The following LRRTM4 variants were observed in gnomAD, a reference collection of about 807,000 sequenced individuals.
LRRTM4 encodes leucine rich repeat transmembrane neuronal 4, also known as leucine-rich repeat transmembrane neuronal protein 4.
Under a neutral mutation model 47.6 loss-of-function variants are expected in LRRTM4, and 25 were observed. That is an observed-to-expected ratio of 0.53 (90% CI 0.38 to 0.73). LRRTM4 has a LOEUF of 0.73. LRRTM4 is among the 30% of genes least tolerant of loss of function. The probability of loss-of-function intolerance (pLI) is 0.00; values close to 1 mark genes in which losing one functional copy is unlikely to be tolerated. For missense variants in LRRTM4, 638 were observed against 713.4 expected (o/e 0.89, Z 1.20); for synonymous variants, 311 against 269.5 (o/e 1.15, Z -1.51).
chr2:77,374,763 T>A (rs1672770431), intron 3 of LRRTM4, among the ~76,000 whole-genome samples: 1 of 151,820 alleles, frequency 6.6e-6, no homozygotes, highest in South Asian at 2.1e-4. Context: ...AAATGCAGTA[T>A]CAAATATTCT....
chr2:76,873,506 G>GTGTGTATATATATATATATATA (rs367573475), intron 3 of LRRTM4, among the ~76,000 whole-genome samples: 32 of 112,312 alleles, frequency 2.8e-4, no homozygotes, highest in East Asian at 1.3e-3. Context: ...ATATATGTGT[G>GTGTGTATATATATATATATATA]TATATATATA....
chr2:77,213,317 A>G (rs1558636271), intron 3 of LRRTM4, among the ~76,000 whole-genome samples: 4 of 152,136 alleles, frequency 2.6e-5, no homozygotes, highest in Admixed American at 2.0e-4. Context: ...CCCTGGAGTT[A>G]GATAAACTGG....
chr2:76,805,422 G>A (rs1162171153), intron 3 of LRRTM4, among the ~76,000 whole-genome samples: 1 of 151,990 alleles, frequency 6.6e-6, no homozygotes, highest in Admixed American at 6.6e-5. Flanking sequence ...TGACAAAAGA[G>A]GTTCTGAAAT....
chr2:77,395,294 TTCAG>T (rs1198398663), intron 3 of LRRTM4, among the ~76,000 whole-genome samples: 2 of 151,970 alleles, frequency 1.3e-5, no homozygotes, highest in East Asian at 3.9e-4. Context: ...AGGGAGTCTG[TTCAG>T]TCAGTTGAAA....
chr2:76,827,108 T>A (rs1671211098), intron 3 of LRRTM4, among the ~76,000 whole-genome samples: 1 of 151,832 alleles, frequency 6.6e-6, no homozygotes, highest in Non-Finnish European at 1.5e-5. Flanking sequence ...GTTTCTGATT[T>A]TGACTTGGCT....
At chr2:77,301,515 A>G (rs1677132843) in intron 3 of LRRTM4, among the ~76,000 whole-genome samples, 1 of 152,206 alleles carries the variant, frequency 6.6e-6, no homozygotes. Context: ...ACTAACAAAA[A>G]GTAATACTGC....
rs193222052 is a variant in LRRTM4, at chr2:77,247,149, T to A, written c.1551+271169A>T. The stretch of plus-strand genomic sequence containing the variant: ...CACATAACATTTTGTTTAACAGAAG[T>A]GCAGAAGTGTGTTATAGGTTGTTTT... On this transcript the variant is annotated intron_variant, in intron 3 of 3. Transcript: ENST00000409884. Among the ~76,000 whole-genome samples the A allele has an allele frequency of 1.8e-3, 269 of 152,198 alleles. 1 individual carries two copies. Among genetic ancestry groups the A allele is most frequent in the African/African-American group, 5.1e-3 (214 of 41,566 alleles).
At chr2:77,293,084 T>G (rs1375288229) in intron 3 of LRRTM4, among the ~76,000 whole-genome samples, 1 of 152,028 alleles carries the variant, frequency 6.6e-6, no homozygotes, top group African/African-American at 2.4e-5. Context: ...GCTTCCCTTG[T>G]CAAATTCTCT....
At chr2:77,075,161 G>C (rs1234461149) in intron 3 of LRRTM4, among the ~76,000 whole-genome samples, 1 of 152,098 alleles carries the variant, frequency 6.6e-6, no homozygotes, top group Non-Finnish European at 1.5e-5. Context: ...TGGTAACTTT[G>C]AAGATGAAAC....
intron 3 of LRRTM4, among the ~76,000 whole-genome samples, chr2:76,866,745 T>C (rs1004732808): frequency 2.2e-4 from 34 of 152,190 alleles, no homozygotes; most frequent in Non-Finnish European, 3.8e-4. Context: ...CAGTCTATCA[T>C]TGATGGGCAT....
At chr2:76,949,989 G>A (rs1385370853) in intron 3 of LRRTM4, among the ~76,000 whole-genome samples, 1 of 151,816 alleles carries the variant, frequency 6.6e-6, no homozygotes, top group Non-Finnish European at 1.5e-5. Context: ...TAAAACTGGT[G>A]AAAAGTAATA....
intron 3 of LRRTM4, among the ~76,000 whole-genome samples, chr2:77,316,799 G>A (rs903040671): frequency 4.0e-4 from 61 of 152,200 alleles, no homozygotes; most frequent in African/African-American, 1.4e-3. Flanking sequence ...ACCTGCCTTG[G>A]CCTCTCAAAA....
At chr2:76,998,200 T>C (rs550872802) in intron 3 of LRRTM4, among the ~76,000 whole-genome samples, 63 of 152,188 alleles carry the variant, frequency 4.1e-4, no homozygotes, top group African/African-American at 1.5e-3. Context: ...GTGCCAGAAA[T>C]GGTTGGGGAC....
At chr2:77,079,508 A>C (rs1558567299) in intron 3 of LRRTM4, among the ~76,000 whole-genome samples, 1 of 152,318 alleles carries the variant, frequency 6.6e-6, no homozygotes, top group East Asian at 1.9e-4. Flanking sequence ...ACTTTCTTAA[A>C]ACATGAGATT....
intron 3 of LRRTM4, among the ~76,000 whole-genome samples, chr2:77,253,939 T>C (rs72809132): frequency 0.055 from 8,364 of 152,052 alleles, 286 homozygotes; most frequent in Middle Eastern, 0.11. Flanking sequence ...GTTGAAAAGA[T>C]AGTTAAAGAA....
At chr2:77,134,707 A>G (rs1252968164) in intron 3 of LRRTM4, among the ~76,000 whole-genome samples, 2 of 152,200 alleles carry the variant, frequency 1.3e-5, no homozygotes, top group Non-Finnish European at 1.5e-5. Flanking sequence ...ATGACTAAAA[A>G]TACCATATCC....
chr2:77,441,523 A>T (rs1004428242), intron 3 of LRRTM4, among the ~76,000 whole-genome samples: 7 of 152,110 alleles, frequency 4.6e-5, no homozygotes, highest in African/African-American at 9.7e-5. Context: ...TCATTTTGGG[A>T]AAGTTGATGA....
intron 3 of LRRTM4, among the ~76,000 whole-genome samples, chr2:77,486,482 A>T (rs1677914813): frequency 6.6e-6 from 1 of 152,184 alleles, no homozygotes; most frequent in Non-Finnish European, 1.5e-5. Flanking sequence ...TTAAGAAAAC[A>T]CACGGCATAA....
At chr2:77,126,045 G>A (rs1671645806) in intron 3 of LRRTM4, among the ~76,000 whole-genome samples, 1 of 151,334 alleles carries the variant, frequency 6.6e-6, no homozygotes, top group Non-Finnish European at 1.5e-5. Flanking sequence ...TATATATAGG[G>A]TAGAAGTGAA....
Sources: gnomAD v4.1 joint callset for allele counts (sites outside exome capture counted in the v4.1 genomes callset) on GRCh38, gnomAD v4.1.1 for gene constraint, MANE v1.5 for transcripts, NCBI Gene and HGNC (gene_info 2026-07-23, HGNC 2026-07-21) for gene names.